Variants in SREBF2 observed in about 807,000 individuals in gnomAD.
The protein encoded by SREBF2 is sterol regulatory element-binding protein 2.
SREBF2 carries 55 observed loss-of-function variants against 113.1 expected under a neutral mutation model. That is an observed-to-expected ratio of 0.49 (90% confidence interval 0.39 to 0.61). SREBF2 has a LOEUF of 0.61. Ranked by LOEUF, SREBF2 falls within the 20% of genes least tolerant of loss-of-function variation. The pLI, the probability that SREBF2 is intolerant of heterozygous loss-of-function variation, is 0.00. For synonymous variants in SREBF2, 593 were observed against 605.7 expected (o/e 0.98, Z 0.31); for missense variants, 1,349 against 1,487.4 (o/e 0.91, Z 1.53).
rs1056635420 is a variant in SREBF2, at chr22:41,900,059, G to T, written c.2739-271G>T. ...GCACACGTTGGAATGACTATCTTGG[G>T]TGGCTTCTTAGCAGCAGACGTGATG... On this transcript the variant is annotated intron_variant, in intron 15 of 18. Coordinates refer to ENST00000361204, the MANE Select transcript of SREBF2 (RefSeq NM_004599.4). 10 of 1,380,646 alleles carry T rather than the reference G, an allele frequency of 7.2e-6. 1 individual carries two copies. In the Admixed American group the frequency reaches 1.4e-4, roughly 20 times the overall value. The allele number at this position is 1,380,646 out of a possible 1,614,324, so 85.5% of individuals were successfully genotyped here.
At chr22:41,903,254 C>T (rs1333188514) in intron 17 of SREBF2, 99 bp downstream of exon 17, 10 of 1,428,926 alleles carry the variant, frequency 7.0e-6, no homozygotes, top group East Asian at 5.0e-5. Context: ...TGGAGTTGGC[C>T]CTCTGAGGTC....
intron 1 of SREBF2, among the ~76,000 whole-genome samples, chr22:41,848,237 G>A (rs1298425656): frequency 6.6e-6 from 1 of 151,982 alleles, no homozygotes; most frequent in African/African-American, 2.4e-5. Flanking sequence ...ATCTCCCAAT[G>A]CTATCCCTCC....
rs562633200 is a variant in SREBF2, at chr22:41,861,089, C to T, written c.89-5742C>T. Among the ~76,000 whole-genome samples the T allele has an allele frequency of 7.9e-5, 12 of 152,302 alleles. No individual in the cohort carries two copies. In the South Asian group the frequency reaches 2.5e-3, roughly 32 times the overall value. On this transcript the variant is annotated intron_variant, in intron 1 of 18. Transcript: ENST00000361204. Reference sequence around the variant, plus strand: ...GGAACAGGGTGCAAAGTAGCATGTTCAGTGTGATCTCATTTTTGTAAAACA... The same window carrying T: ...GGAACAGGGTGCAAAGTAGCATGTTTAGTGTGATCTCATTTTTGTAAAACA...
intron 5 of SREBF2, among the ~76,000 whole-genome samples, chr22:41,874,326 C>G (rs2077173202): frequency 6.6e-6 from 1 of 152,136 alleles, no homozygotes; most frequent in African/African-American, 2.4e-5. Context: ...GTTCCAGATA[C>G]AGGACTGTGT....
chr22:41,875,822 A>G, intron 7 of SREBF2, 98 bp downstream of exon 7: 1 of 1,365,686 alleles, frequency 7.3e-7, no homozygotes, highest in African/African-American at 1.4e-5. Context: ...CCGCATGTTA[A>G]GAGGGCCTAG....
intron 10 of SREBF2, among the ~76,000 whole-genome samples, chr22:41,883,565 T>C (rs145614925): frequency 9.2e-5 from 14 of 152,332 alleles, no homozygotes; most frequent in Admixed American, 9.1e-4. Context: ...TGAGAAGCTT[T>C]ACGTCACTCA....
chr22:41,857,052 G>C (rs977850938), intron 1 of SREBF2, among the ~76,000 whole-genome samples: 8 of 138,760 alleles, frequency 5.8e-5, no homozygotes, highest in Non-Finnish European at 1.1e-4. Flanking sequence ...GGGCAACAGA[G>C]CAAGACTCTG....
intron 1 of SREBF2, among the ~76,000 whole-genome samples, chr22:41,836,164 G>A (rs1419666764): frequency 1.3e-5 from 2 of 152,234 alleles, no homozygotes; most frequent in Admixed American, 1.3e-4. Flanking sequence ...ACCGCACAAG[G>A]AAGAGGTGTG....
chr22:41,866,883 A>G lies in SREBF2; in HGVS notation c.141A>G (p.Ser47=), dbSNP rs1213530524. The change falls in exon 2 of 19, where the codon TCA becomes TCG. Residue 47 remains serine, a synonymous_variant. Transcript: ENST00000361204. ...NQVGEFPDLF[S]EQLCSSFPGS... is the part of the protein sequence containing the mutation. ...TGGGAGAGTTCCCTGACTTGTTTTCAGAACAGCTGTGTAGCTCCTTTCCTG... is the reference window on the plus strand; with the variant it reads ...TGGGAGAGTTCCCTGACTTGTTTTCGGAACAGCTGTGTAGCTCCTTTCCTG... 2 of 1,614,212 alleles carry G rather than the reference A, an allele frequency of 1.2e-6. No individual in the cohort carries two copies. Among genetic ancestry groups the G allele is most frequent in the East Asian group, 2.2e-5 (1 of 44,882 alleles).
intron 10 of SREBF2, among the ~76,000 whole-genome samples, chr22:41,883,809 T>C (rs998919449): frequency 3.3e-5 from 5 of 152,180 alleles, no homozygotes; most frequent in Non-Finnish European, 7.4e-5. Flanking sequence ...ACGGGAAGCC[T>C]GGCTTTGCCA....
intron 12 of SREBF2, among the ~76,000 whole-genome samples, chr22:41,894,262 A>T (rs1171578790): frequency 6.6e-6 from 1 of 152,032 alleles, no homozygotes; most frequent in Non-Finnish European, 1.5e-5. Context: ...GGGGCTGGTG[A>T]TTTGAGGCCT....
chr22:41,880,119 G>A (rs918057993), intron 9 of SREBF2, among the ~76,000 whole-genome samples: 5 of 152,178 alleles, frequency 3.3e-5, no homozygotes, highest in African/African-American at 1.2e-4. Flanking sequence ...CAGTAGCCCT[G>A]GGGTAAGGTC....
chr22:41,890,703 C>G (rs1394075152), intron 11 of SREBF2, among the ~76,000 whole-genome samples: 4 of 151,232 alleles, frequency 2.6e-5, no homozygotes, highest in African/African-American at 4.9e-5. Flanking sequence ...GATTACAAGC[C>G]AAGCCACCAG....
At chr22:41,868,232 A>C (rs2077105385) in intron 2 of SREBF2, among the ~76,000 whole-genome samples, 1 of 152,216 alleles carries the variant, frequency 6.6e-6, no homozygotes, top group South Asian at 2.1e-4. Context: ...ATGTAAAGGC[A>C]AAAAGCTGAG....
chr22:41,839,231 A>G (rs1402666938), intron 1 of SREBF2, among the ~76,000 whole-genome samples: 1 of 152,138 alleles, frequency 6.6e-6, no homozygotes, highest in African/African-American at 2.4e-5. Flanking sequence ...AGGGGAAATG[A>G]TGAAAATTTA....
intron 1 of SREBF2, among the ~76,000 whole-genome samples, chr22:41,839,956 C>CTTTT (rs10588397): frequency 7.1e-4 from 84 of 117,538 alleles, no homozygotes; most frequent in Non-Finnish European, 9.8e-4. Flanking sequence ...TGCTTAGTTT[C>CTTTT]TTTTTTTTTT....
At chr22:41,856,369 T>C (rs1201866452) in intron 1 of SREBF2, among the ~76,000 whole-genome samples, 3 of 152,136 alleles carry the variant, frequency 2.0e-5, no homozygotes, top group Admixed American at 1.3e-4. Context: ...ACTTGAGCGA[T>C]CTGGCCACCT....
At chr22:41,883,752 C>T (rs2148400060) in intron 10 of SREBF2, among the ~76,000 whole-genome samples, 1 of 152,264 alleles carries the variant, frequency 6.6e-6, no homozygotes, top group Admixed American at 6.5e-5. Context: ...GATAAAAAGA[C>T]AGGGAGGCAA....
At position 41,904,883 on chromosome 22, in the gene SREBF2, C is replaced by T. The variant is rs148027800; in HGVS notation, c.3114C>T (p.Thr1038=). ...CCCAGGTGTTCCTGCATGAAGCCACCGTGCGCCTGATGGCAGGAGCCAGCC... is the reference window on the plus strand; with the variant it reads ...CCCAGGTGTTCCTGCATGAAGCCACTGTGCGCCTGATGGCAGGAGCCAGCC... ...AYRKVFLHEA[T]VRLMAGASPT... is the part of the protein sequence containing the mutation. The change falls in exon 18 of 19, where the codon ACC becomes ACT. Residue 1038 remains threonine (T), a synonymous_variant. Transcript: ENST00000361204. 8.7e-6 allele frequency: 14 copies of T among 1,600,572 alleles called. No individual in the cohort carries two copies. Among genetic ancestry groups the T allele is most frequent in the Admixed American group, 5.1e-5 (3 of 58,752 alleles).
Sources: gnomAD v4.1 joint callset for allele counts (sites outside exome capture counted in the v4.1 genomes callset) on GRCh38, gnomAD v4.1.1 for gene constraint, MANE v1.5 for transcripts, NCBI Gene and HGNC (gene_info 2026-07-23, HGNC 2026-07-21) for gene names.